NUMB: variants seen among roughly 807,000 people sequenced by gnomAD.
NUMB encodes the protein NUMB endocytic adaptor protein.
Under a neutral mutation model 59.7 loss-of-function variants are expected in NUMB, and 29 were observed. The ratio of observed to expected loss-of-function variants is 0.49; its 90% CI spans 0.36 to 0.66. The LOEUF is 0.66. Ranked by LOEUF, NUMB falls within the 30% of genes least tolerant of loss-of-function variation. NUMB has a pLI of 0.00. For synonymous variants in NUMB, 288 were observed against 288.2 expected (o/e 1.00, Z 0.01); for missense variants, 723 against 822.0 (o/e 0.88, Z 1.47).
chr14:73,422,010 G>A (rs1195300640), intron 1 of NUMB, among the ~76,000 whole-genome samples: 12 of 151,976 alleles, frequency 7.9e-5, no homozygotes, highest in Non-Finnish European at 1.3e-4. Flanking sequence ...TGTAGTGATG[G>A]GTGACCGTAG....
intron 1 of NUMB, among the ~76,000 whole-genome samples, chr14:73,430,508 C>A (rs1897777803): frequency 6.6e-6 from 1 of 151,908 alleles, no homozygotes; most frequent in South Asian, 2.1e-4. Context: ...GTGGTACATG[C>A]CTGCAGTCCC....
chr14:73,350,066 T>TACACACACAC (rs1161769200), intron 4 of NUMB, among the ~76,000 whole-genome samples: 9 of 103,714 alleles, frequency 8.7e-5, no homozygotes, highest in South Asian at 5.2e-4. Flanking sequence ...CATATATACA[T>TACACACACAC]ACATACATAC....
chr14:73,404,656 A>C (rs1255030045), intron 2 of NUMB, among the ~76,000 whole-genome samples: 1 of 152,218 alleles, frequency 6.6e-6, no homozygotes. Flanking sequence ...AGTTGGTGTT[A>C]ATGTTAATTT....
chr14:73,414,453 G>C (rs923667504), intron 1 of NUMB, among the ~76,000 whole-genome samples: 7 of 152,142 alleles, frequency 4.6e-5, no homozygotes, highest in Admixed American at 2.6e-4. Context: ...GAATGCAGTG[G>C]TGTGATCATG....
chr14:73,413,500 G>C (rs1461994840), intron 1 of NUMB, among the ~76,000 whole-genome samples: 2 of 151,636 alleles, frequency 1.3e-5, no homozygotes, highest in Non-Finnish European at 2.9e-5. Context: ...GCTCACGCTT[G>C]TAATCTCAGC....
chr14:73,309,753 T>TAAA lies in NUMB; in HGVS notation c.234+6636_234+6637insTTT, dbSNP rs773756767. Among the ~76,000 whole-genome samples the TAAA allele has an allele frequency of 1.4e-5, 2 of 143,506 alleles. 1 individual carries two copies. The highest frequency in any genetic ancestry group is 3.9e-4 in the East Asian group (2 of 5,082). The allele number at this position is 143,506 out of a possible 152,430, so 94.1% of individuals were successfully genotyped here. Reference sequence around the variant, plus strand: ...ATAATAATAATAATAATAATAATAATAATAAAAATAGGATCCAGAATGAAG... The same window carrying TAAA: ...ATAATAATAATAATAATAATAATAATAAAAATAAAAATAGGATCCAGAATGAAG... On this transcript the variant is annotated intron_variant, in intron 6 of 12. Transcript: ENST00000555238.
At chr14:73,349,354 A>C (rs755770870) in intron 4 of NUMB, among the ~76,000 whole-genome samples, 31 of 151,454 alleles carry the variant, frequency 2.0e-4, no homozygotes, top group Non-Finnish European at 3.8e-4. Context: ...TTGGGAGGCC[A>C]AGGTGGGCGG....
chr14:73,386,079 T>C (rs1455354395), intron 2 of NUMB, among the ~76,000 whole-genome samples: 1 of 152,076 alleles, frequency 6.6e-6, no homozygotes, highest in African/African-American at 2.4e-5. Context: ...TCAAAGTGAT[T>C]TAAGAAGAAC....
intron 4 of NUMB, among the ~76,000 whole-genome samples, 193 bp downstream of exon 4, chr14:73,355,433 C>T (rs1330601780): frequency 6.6e-6 from 1 of 152,136 alleles, no homozygotes; most frequent in African/African-American, 2.4e-5. Flanking sequence ...AAAGAAAACT[C>T]CCTAATTAAA....
intron 1 of NUMB, among the ~76,000 whole-genome samples, chr14:73,445,345 A>C: frequency 2.5e-5 from 3 of 121,840 alleles, no homozygotes; most frequent in African/African-American, 6.2e-5. Flanking sequence ...ACAAAGTGAG[A>C]CCCTGTCTCA....
Position 73,275,743 on chromosome 14 carries a change from T to A in NUMB, c.*835A>T, listed in dbSNP as rs1888108511. 1 of 152,624 alleles carries A rather than the reference T, an allele frequency of 6.6e-6. No individual in the cohort carries two copies. Among genetic ancestry groups the A allele is most frequent in the Non-Finnish European group, 1.5e-5 (1 of 68,046 alleles). The allele number at this position is 152,624 out of a possible 1,614,324, so 9.5% of individuals were successfully genotyped here. A position where few individuals can be genotyped will look rare whatever the true frequency, so the allele number is the denominator to read the frequency against. Reference sequence around the variant, plus strand: ...AACTACAACCTAGTGACTGTATTGGTCATAAGCATGATTGTTGTTGCAATG... The same window carrying A: ...AACTACAACCTAGTGACTGTATTGGACATAAGCATGATTGTTGTTGCAATG... On this transcript the variant is annotated 3_prime_UTR_variant, in exon 13 of 13. Transcript: ENST00000555238.
chr14:73,278,533 C>T (rs908680423), intron 12 of NUMB, among the ~76,000 whole-genome samples: 24 of 149,770 alleles, frequency 1.6e-4, no homozygotes, highest in African/African-American at 5.9e-4. Context: ...AAAAAAAAAA[C>T]TTTTTGGTTT....
At chr14:73,280,855 G>A (rs1183476714) in intron 11 of NUMB, among the ~76,000 whole-genome samples, 1 of 151,612 alleles carries the variant, frequency 6.6e-6, no homozygotes, top group Non-Finnish European at 1.5e-5. Context: ...CACCATGCCC[G>A]GCTAACTTTT....
Position 73,284,238 on chromosome 14 carries a change from C to G in NUMB, c.792G>C (p.Arg264=). The G allele has an allele frequency of 6.2e-7, 1 of 1,614,090 alleles. No homozygotes were observed. The highest frequency in any genetic ancestry group is 8.5e-7 in the Non-Finnish European group (1 of 1,180,012). Residue 264 remains arginine, a synonymous_variant, in exon 10 of 13, where the codon CGG becomes CGC. Coordinates refer to ENST00000555238, the MANE Select transcript of NUMB (RefSeq NM_001005743.2). Reference sequence around the variant, plus strand: ...GAGCAAGCTGTTCAATTGGAGCATGCCGGCGTGGGATGGCATGAGGATTGT... The same window carrying G: ...GAGCAAGCTGTTCAATTGGAGCATGGCGGCGTGGGATGGCATGAGGATTGT... The part of the protein sequence containing the change: ...EMNNPHAIPR[R]HAPIEQLARQ...
At chr14:73,320,397 T>C (rs1222935892) in intron 5 of NUMB, among the ~76,000 whole-genome samples, 1 of 152,180 alleles carries the variant, frequency 6.6e-6, no homozygotes, top group Non-Finnish European at 1.5e-5. Context: ...AAACTTTCTT[T>C]TTTATTATTT....
At chr14:73,342,629 A>C (rs1231992428) in intron 4 of NUMB, among the ~76,000 whole-genome samples, 1 of 152,220 alleles carries the variant, frequency 6.6e-6, no homozygotes, top group African/African-American at 2.4e-5. Flanking sequence ...AATTCAATGA[A>C]GGAAAAAACA....
chr14:73,403,801 CA>C lies in NUMB; in HGVS notation c.-101+6135del, dbSNP rs368146105. Among the ~76,000 whole-genome samples the C allele has an allele frequency of 2.9e-4, 43 of 150,202 alleles. 1 individual carries two copies. The highest frequency in any genetic ancestry group is 2.5e-3 in the Admixed American group (37 of 15,072). Reference sequence around the variant, plus strand: ...CAAAACCCTGTCTCTATTAAAAATACAAAAAAAAAGAGGCCAGGCATGGTGG... The same window carrying C: ...CAAAACCCTGTCTCTATTAAAAATACAAAAAAAAGAGGCCAGGCATGGTGG... On this transcript the variant is annotated intron_variant, in intron 2 of 12. Transcript: ENST00000555238.
At chr14:73,348,757 G>T (rs1020873810) in intron 4 of NUMB, among the ~76,000 whole-genome samples, 2 of 152,168 alleles carry the variant, frequency 1.3e-5, no homozygotes, top group Non-Finnish European at 2.9e-5. Context: ...ATCCCATCTA[G>T]CTGATTTTAT....
At chr14:73,457,836 C>T (rs1170805497) in intron 1 of NUMB, 4 of 152,626 alleles carry the variant, frequency 2.6e-5, no homozygotes, top group Admixed American at 2.6e-4. Flanking sequence ...CCAGGAGCCC[C>T]CTCCCTTGGA....
Sources: gnomAD v4.1 joint callset for allele counts (sites outside exome capture counted in the v4.1 genomes callset) on GRCh38, gnomAD v4.1.1 for gene constraint, MANE v1.5 for transcripts, NCBI Gene and HGNC (gene_info 2026-07-23, HGNC 2026-07-21) for gene names.